The following ATP6V0A4 variants were observed in gnomAD, a reference collection of about 807,000 sequenced individuals.
The protein encoded by ATP6V0A4 is V-type proton ATPase 116 kDa subunit a 4.
In ATP6V0A4, 86 loss-of-function variants were observed where a neutral mutation model predicts 107.3. The ratio of observed to expected loss-of-function variants is 0.80; its 90% CI spans 0.67 to 0.96. ATP6V0A4 has a LOEUF of 0.96. Ranked by LOEUF, ATP6V0A4 falls within the 40% of genes least tolerant of loss-of-function variation. The pLI is 0.00. For missense variants in ATP6V0A4, 908 were observed against 1,045.6 expected (o/e 0.87, Z 1.81); for synonymous variants, 353 against 381.4 (o/e 0.93, Z 0.87).
chr7:138,757,996 T>G (rs1038552144), intron 8 of ATP6V0A4, among the ~76,000 whole-genome samples: 3 of 152,194 alleles, frequency 2.0e-5, no homozygotes, highest in Non-Finnish European at 2.9e-5. Context: ...CTGGTCCTTT[T>G]CTGAGTCTCT....
At chr7:138,744,479 C>T (rs947756093) in intron 14 of ATP6V0A4, among the ~76,000 whole-genome samples, 2 of 151,916 alleles carry the variant, frequency 1.3e-5, no homozygotes, top group African/African-American at 4.8e-5. Context: ...CTCAAGTGAT[C>T]CTCCCGCCTC....
intron 6 of ATP6V0A4, 151 bp from the exon 7 acceptor site, chr7:138,762,585 T>C (rs1185320250): frequency 2.9e-6 from 4 of 1,392,970 alleles, no homozygotes; most frequent in Non-Finnish European, 3.8e-6. Context: ...CCTGGCCAGA[T>C]CAAAAAGCTT....
At chr7:138,725,948 A>G (rs772050962) in intron 18 of ATP6V0A4, among the ~76,000 whole-genome samples, 31 of 152,158 alleles carry the variant, frequency 2.0e-4, no homozygotes, top group Admixed American at 9.8e-4. Context: ...TTTCAATAAC[A>G]TTAACCATAA....
chr7:138,774,689 C>CATTATATATAATATATAT (rs1807575396), intron 2 of ATP6V0A4, among the ~76,000 whole-genome samples: 1 of 146,010 alleles, frequency 6.8e-6, no homozygotes. Flanking sequence ...ATAGTATATA[C>CATTATATATAATATATAT]ACATATGTAT....
chr7:138,760,472 A>G (rs537710744), intron 7 of ATP6V0A4, among the ~76,000 whole-genome samples: 1 of 150,720 alleles, frequency 6.6e-6, no homozygotes, highest in East Asian at 2.0e-4. Context: ...AAAGAATATG[A>G]TAGACCATTC....
rs1243135259 is a variant in ATP6V0A4, at chr7:138,784,307, C to CAT, written c.-18+1849_-18+1850dup. 8.2e-4 allele frequency among the ~76,000 whole-genome samples: 101 copies of CAT among 123,906 alleles called. 1 individual carries two copies. The highest frequency in any genetic ancestry group is 2.2e-3 in the South Asian group (9 of 4,150). The allele number at this position is 123,906 out of a possible 152,430, so 81.3% of individuals were successfully genotyped here. ...ATATATATACACACACACACACACA[C>CAT]ATATATATATATGTATTTTTTTTTT... On this transcript the variant is annotated intron_variant, in intron 2 of 21. Transcript: ENST00000310018.
intron 14 of ATP6V0A4, among the ~76,000 whole-genome samples, chr7:138,742,953 G>A (rs141980414): frequency 1.8e-4 from 26 of 147,212 alleles, no homozygotes; most frequent in Non-Finnish European, 3.0e-4. Context: ...TCCAGAAAAC[G>A]TTTTATCCTT....
intron 2 of ATP6V0A4, among the ~76,000 whole-genome samples, chr7:138,776,633 G>T (rs1393149569): frequency 6.6e-6 from 1 of 152,114 alleles, no homozygotes; most frequent in Non-Finnish European, 1.5e-5. Context: ...CCCAGTCAGC[G>T]GGTGGGGCCA....
chr7:138,733,176 C>A, intron 16 of ATP6V0A4, 83 bp from the exon 17 acceptor site: 1 of 1,580,154 alleles, frequency 6.3e-7, no homozygotes. Context: ...AGCACAAAAG[C>A]ACAAAATGTT....
rs2117343340 is a variant in ATP6V0A4, at chr7:138,773,383, T to C, written c.-17-2119A>G. ...GACCCTGTCACTCCTCCAGTCTCCA[T>C]GTAAGGATCTTCTTCCTCCACAAGC... is the stretch of plus-strand genomic sequence containing the variant. On this transcript the variant is annotated intron_variant, in intron 2 of 21. Transcript: ENST00000310018. The surrounding 1 kb of genome is among the most constrained non-coding windows in gnomAD (Gnocchi z 5.4). Among the ~76,000 whole-genome samples the C allele has an allele frequency of 6.6e-6, 1 of 152,252 alleles. No homozygotes were observed. The highest frequency in any genetic ancestry group is 2.1e-4 in the South Asian group (1 of 4,826).
rs576541710 is a variant in ATP6V0A4 at position 138,765,102 on chromosome 7, A to AT, written c.292-2078dup. On this transcript the variant is annotated intron_variant, in intron 5 of 21. Transcript: ENST00000310018. ...GAGCCACTGCGCCTGGCACAAAGAG[A>AT]TTTTTTTTAAACAATAAAAAATGAT... Among the ~76,000 whole-genome samples the AT allele has an allele frequency of 1.4e-3, 211 of 152,118 alleles. 4 individuals carry two copies. Among genetic ancestry groups the AT allele is most frequent in the Admixed American group, 0.013 (204 of 15,250 alleles).
chr7:138,740,424 C>CA (rs1805570329), intron 14 of ATP6V0A4, among the ~76,000 whole-genome samples: 1 of 128,988 alleles, frequency 7.8e-6, no homozygotes, highest in Admixed American at 7.8e-5. Context: ...GAAGAAATTT[C>CA]TTTTTTTTTT....
intron 21 of ATP6V0A4, 180 bp from the exon 22 acceptor site, chr7:138,706,897 T>A: frequency 1.7e-6 from 1 of 582,718 alleles, no homozygotes; most frequent in Non-Finnish European, 2.1e-6. Flanking sequence ...GGATTTTTTT[T>A]TTTTTTTTTT....
intron 10 of ATP6V0A4, 86 bp downstream of exon 10, chr7:138,755,603 C>T (rs933457401): frequency 1.3e-5 from 20 of 1,570,810 alleles, no homozygotes; most frequent in Admixed American, 5.2e-5. Flanking sequence ...CCAGCAAGGG[C>T]CCTGGGGGGC....
intron 17 of ATP6V0A4, 137 bp downstream of exon 17, chr7:138,732,740 G>A: frequency 1.0e-6 from 1 of 981,006 alleles, no homozygotes; most frequent in Non-Finnish European, 1.5e-6. Context: ...GTTGCAGTGA[G>A]TCAAGATCAC....
chr7:138,747,586 C>G, intron 12 of ATP6V0A4, 22 bp from the exon 13 acceptor site: 2 of 1,613,150 alleles, frequency 1.2e-6, no homozygotes, highest in Non-Finnish European at 8.5e-7. Context: ...AGACACACAA[C>G]GCCTGAGGCC....
At chr7:138,784,235 CGTATATAT>C (rs1475717357) in intron 2 of ATP6V0A4, among the ~76,000 whole-genome samples, 53,486 of 90,936 alleles carry the variant, frequency 0.59, 12,161 homozygotes, top group Admixed American at 0.65. Context: ...TATATATATA[CGTATATAT>C]ATATATATAC....
chr7:138,765,846 T>C (rs1198804461), intron 5 of ATP6V0A4, among the ~76,000 whole-genome samples: 1 of 152,192 alleles, frequency 6.6e-6, no homozygotes, highest in African/African-American at 2.4e-5. Flanking sequence ...CTCCACCTTC[T>C]GGTAGCCACT....
At chr7:138,719,022 C>T (rs1328501227) in intron 19 of ATP6V0A4, among the ~76,000 whole-genome samples, 1 of 151,680 alleles carries the variant, frequency 6.6e-6, no homozygotes, top group Non-Finnish European at 1.5e-5. Context: ...CCATCTTTAC[C>T]AAAAATTCAA....
Sources: gnomAD v4.1 joint callset for allele counts (sites outside exome capture counted in the v4.1 genomes callset) on GRCh38, gnomAD v4.1.1 for gene constraint, Gnocchi (gnomAD v3.1) non-coding constraint, MANE v1.5 for transcripts, NCBI Gene and HGNC (gene_info 2026-07-23, HGNC 2026-07-21) for gene names.